HDAC11: variants seen among roughly 807,000 people sequenced by gnomAD.
HDAC11 encodes histone deacetylase 11.
Under a neutral mutation model 41.1 loss-of-function variants are expected in HDAC11, and 23 were observed. The observed-to-expected ratio is 0.56, with a 90% CI of 0.40 to 0.79. HDAC11 has a LOEUF of 0.79. Ranked by LOEUF, HDAC11 falls within the 30% of genes least tolerant of loss-of-function variation. HDAC11 has a pLI of 0.00. For synonymous variants in HDAC11, 187 were observed against 186.6 expected, an observed-to-expected ratio of 1.00 and a Z score of -0.02; for missense variants, 402 against 477.3, an observed-to-expected ratio of 0.84 and a Z score of 1.47.
chr3:13,487,291 A>G (rs1253303986), intron 3 of HDAC11, among the ~76,000 whole-genome samples: 2 of 152,090 alleles, frequency 1.3e-5, no homozygotes, highest in Non-Finnish European at 1.5e-5. Context: ...AGAGTGCCCT[A>G]GAGAGTCCTT....
Position 13,502,785 on chromosome 3 carries a change from C to T in HDAC11, c.553-99C>T. ...TGCCCCCGAGAGCAGGCCGTGCTGC[C>T]CTGGCAAATGGGGAGTTTCCTGAGG... On this transcript the variant is annotated intron_variant, in intron 7 of 9. Coordinates refer to ENST00000295757, the MANE Select transcript of HDAC11 (RefSeq NM_024827.4). The surrounding 1 kb of genome is among the most constrained non-coding windows in gnomAD (Gnocchi z 4.1). 1 of 852,816 alleles carries T rather than the reference C, an allele frequency of 1.2e-6. No homozygotes were observed. Among genetic ancestry groups the T allele is most frequent in the Non-Finnish European group, 1.9e-6 (1 of 513,740 alleles). The allele number at this position is 852,816 out of a possible 1,614,324, so 52.8% of individuals were successfully genotyped here.
At chr3:13,493,774 C>A (rs1701969944) in intron 3 of HDAC11, among the ~76,000 whole-genome samples, 1 of 152,224 alleles carries the variant, frequency 6.6e-6, no homozygotes, top group African/African-American at 2.4e-5. Flanking sequence ...ATACTTTCTC[C>A]TGTGGGGGCT....
At chr3:13,490,744 CTTTTTTTTTTTTTTTTT>C (rs59531656) in intron 3 of HDAC11, among the ~76,000 whole-genome samples, 1 of 41,404 alleles carries the variant, frequency 2.4e-5, no homozygotes, top group Non-Finnish European at 4.1e-5. Context: ...GCATTTTTTT[CTTTTTTTTTTTTTTTTT>C]TTTTTTTTTA....
Position 13,480,410 on chromosome 3 carries a change from T to G in HDAC11, c.2+61T>G. The G allele has an allele frequency of 2.9e-6, 3 of 1,026,982 alleles. No homozygotes were observed. The highest frequency in any genetic ancestry group is 3.7e-6 in the Non-Finnish European group (3 of 811,348). The allele number at this position is 1,026,982 out of a possible 1,614,324, so 63.6% of individuals were successfully genotyped here. A position where few individuals can be genotyped will look rare whatever the true frequency, so the allele number is the denominator to read the frequency against. ...CAGGGGTCCCGGTGGGCGGGCGCGC[T>G]AGGGCGAGGGCGGGGACGGCCGGGC... On this transcript the variant is annotated intron_variant, in intron 1 of 9. Transcript: ENST00000295757. This position sits in a 1 kb window ranked among gnomAD's most constrained non-coding sequence, Gnocchi z 4.6.
At position 13,504,616 on chromosome 3, in the gene HDAC11, G is replaced by A. The variant is rs765455898; in HGVS notation, c.977G>A (p.Gly326Glu). 2.5e-6 allele frequency: 4 copies of A among 1,613,806 alleles called. No individual in the cohort carries two copies. The Admixed American group carries it at 5.0e-5, about 20-fold the overall frequency. The change falls in exon 10 of 10, where the codon GGG becomes GAG. Residue 326 changes from glycine to glutamate, a missense_variant. Transcript: ENST00000295757. Reference protein sequence around the residue: ...ILNLFGLGLIGPESPSVSAQN... With the variant: ...ILNLFGLGLIEPESPSVSAQN... ...AATCTGTTTGGCCTGGGGCTCATTGGGCCTGAGTCACCCAGCGTCTCCGCA... is the reference window on the plus strand; with the variant it reads ...AATCTGTTTGGCCTGGGGCTCATTGAGCCTGAGTCACCCAGCGTCTCCGCA...
At position 13,502,602 on chromosome 3, in the gene HDAC11, C is replaced by A; in HGVS notation, c.553-282C>A. On this transcript the variant is annotated intron_variant, in intron 7 of 9. Transcript: ENST00000295757. The surrounding 1 kb of genome is among the most constrained non-coding windows in gnomAD (Gnocchi z 4.1). ...TGCTTTTCACATCCCTGATCCCAAC[C>A]AGTCCCACCACAGACTTGAGAGGGT... 2.7e-6 allele frequency: 1 copy of A among 370,718 alleles called. No homozygotes were observed. The highest frequency in any genetic ancestry group is 2.9e-5 in the South Asian group (1 of 33,938). The allele number at this position is 370,718 out of a possible 1,614,324, so 23.0% of individuals were successfully genotyped here.
chr3:13,491,605 G>A (rs949355504), intron 3 of HDAC11, among the ~76,000 whole-genome samples: 9 of 152,274 alleles, frequency 5.9e-5, no homozygotes, highest in Middle Eastern at 3.4e-3. Flanking sequence ...CAGCGGGTCC[G>A]CCTGAGGAAA....
Position 13,480,750 on chromosome 3 carries a change from T to G in HDAC11, c.2+401T>G. 1 of 474,706 alleles carries G rather than the reference T, an allele frequency of 2.1e-6. No homozygotes were observed. The highest frequency in any genetic ancestry group is 4.3e-6 in the Non-Finnish European group (1 of 231,014). 29.4% of individuals were successfully genotyped at this position (474,706 alleles called of 1,614,324 possible). Reference sequence around the variant, plus strand: ...TTAGCAGCGCAGCGGGGTCAGGGGATCCCCGCCCCCCGCCCTGGCTCAGGT... The same window carrying G: ...TTAGCAGCGCAGCGGGGTCAGGGGAGCCCCGCCCCCCGCCCTGGCTCAGGT... On this transcript the variant is annotated intron_variant, in intron 1 of 9. Transcript: ENST00000295757. This position sits in a 1 kb window ranked among gnomAD's most constrained non-coding sequence, Gnocchi z 4.6.
intron 5 of HDAC11, among the ~76,000 whole-genome samples, chr3:13,500,196 GCT>G (rs1702290300): frequency 6.6e-6 from 1 of 152,078 alleles, no homozygotes; most frequent in South Asian, 2.1e-4. Flanking sequence ...CATCCCAGGG[GCT>G]GCAGGGGAGG....
rs1702396872 is a variant in HDAC11 at position 13,502,126 on chromosome 3, GA to G, written c.552+194del. 1 of 578,572 alleles carries G rather than the reference GA, an allele frequency of 1.7e-6. No homozygotes were observed. Among genetic ancestry groups the G allele is most frequent in the African/African-American group, 1.9e-5 (1 of 53,540 alleles). The allele number at this position is 578,572 out of a possible 1,614,324, so 35.8% of individuals were successfully genotyped here. ...ACAGCGGGTCCTCCTCATTGCTCCCGAGGGTCCTCCCTCCCTCCTCCTGACT... is the reference window on the plus strand; with the variant it reads ...ACAGCGGGTCCTCCTCATTGCTCCCGGGGTCCTCCCTCCCTCCTCCTGACT... On this transcript the variant is annotated intron_variant, in intron 7 of 9. Transcript: ENST00000295757. The surrounding 1 kb of genome is among the most constrained non-coding windows in gnomAD (Gnocchi z 4.1).
Position 13,502,877 on chromosome 3 carries a change from C to T in HDAC11, c.553-7C>T, listed in dbSNP as rs1451811065. 3 of 1,612,358 alleles carry T rather than the reference C, an allele frequency of 1.9e-6. No individual in the cohort carries two copies. Among genetic ancestry groups the T allele is most frequent in the Non-Finnish European group, 1.7e-6 (2 of 1,179,152 alleles). ...ACCCGAGAGCGGCTACTGTGACCTC[C>T]CCACAGGGCAATGGGCATGAGCGAG... On this transcript the variant is annotated splice_region_variant and splice_polypyrimidine_tract_variant and intron_variant, in intron 7 of 9. Coordinates refer to ENST00000295757, the MANE Select transcript of HDAC11 (RefSeq NM_024827.4). This position sits in a 1 kb window ranked among gnomAD's most constrained non-coding sequence, Gnocchi z 4.1.
At chr3:13,496,348 C>T (rs1040278061) in intron 3 of HDAC11, among the ~76,000 whole-genome samples, 2 of 152,220 alleles carry the variant, frequency 1.3e-5, no homozygotes, top group African/African-American at 4.8e-5. Context: ...GCCTAGGCCT[C>T]AGTGTCCCCT....
At chr3:13,498,415 G>T in intron 4 of HDAC11, 98 bp from the exon 5 acceptor site, 2 of 1,464,094 alleles carry the variant, frequency 1.4e-6, no homozygotes, top group Admixed American at 1.7e-5. Flanking sequence ...CCCAGAGCTG[G>T]CTAGAAGCAG....
At chr3:13,481,210 G>A in intron 1 of HDAC11, 36 bp from the exon 2 acceptor site, 1 of 1,598,428 alleles carries the variant, frequency 6.3e-7, no homozygotes, top group Non-Finnish European at 8.5e-7. Context: ...TGCCGAGGCT[G>A]CCCCAGCTGT....
rs1285509337 is a variant in HDAC11, at chr3:13,504,693, C to T, written c.*10C>T. On this transcript the variant is annotated 3_prime_UTR_variant, in exon 10 of 10. Transcript: ENST00000295757. ...CCCTGCAGTGCCCTGACCCTTGCTG[C>T]CCTGCCTGTCACGTGGCCCTGCCTA... The T allele has an allele frequency of 2.5e-6, 4 of 1,609,768 alleles. No homozygotes were observed. The highest frequency in any genetic ancestry group is 1.7e-5 in the Admixed American group (1 of 60,006).
At chr3:13,504,409 G>A in intron 9 of HDAC11, 59 bp from the exon 10 acceptor site, 3 of 1,600,850 alleles carry the variant, frequency 1.9e-6, no homozygotes, top group Non-Finnish European at 2.6e-6. Flanking sequence ...CCTGCAGCAG[G>A]ACTTCCTGAC....
At chr3:13,491,337 G>C (rs1435453457) in intron 3 of HDAC11, among the ~76,000 whole-genome samples, 2 of 151,994 alleles carry the variant, frequency 1.3e-5, no homozygotes, top group African/African-American at 4.8e-5. Context: ...CAGCTGTGGG[G>C]TTAAATTTTT....
intron 3 of HDAC11, among the ~76,000 whole-genome samples, chr3:13,492,524 C>T (rs976483690): frequency 6.6e-6 from 1 of 152,108 alleles, no homozygotes; most frequent in African/African-American, 2.4e-5. Flanking sequence ...GTGTGGGCTC[C>T]AGGGGGCCCC....
chr3:13,501,854 C>T lies in HDAC11; in HGVS notation c.490-17C>T, dbSNP rs1012820404. Reference sequence around the variant, plus strand: ...GTCCGCCCCAGATCCTCATGTCTACCCTCTCCTCCCTGGCAGTTTCTGTTT... The same window carrying T: ...GTCCGCCCCAGATCCTCATGTCTACTCTCTCCTCCCTGGCAGTTTCTGTTT... On this transcript the variant is annotated splice_polypyrimidine_tract_variant and intron_variant, in intron 6 of 9. Coordinates refer to ENST00000295757, the MANE Select transcript of HDAC11 (RefSeq NM_024827.4). 5.0e-6 allele frequency: 8 copies of T among 1,613,102 alleles called. No homozygotes were observed. In the African/African-American group the frequency reaches 9.3e-5, roughly 19 times the overall value.
Sources: gnomAD v4.1 joint callset for allele counts (sites outside exome capture counted in the v4.1 genomes callset) on GRCh38, gnomAD v4.1.1 for gene constraint, Gnocchi (gnomAD v3.1) non-coding constraint, MANE v1.5 for transcripts, NCBI Gene and HGNC (gene_info 2026-07-23, HGNC 2026-07-21) for gene names.